The following EYS variants were observed in gnomAD, a reference collection of about 807,000 sequenced individuals.
EYS encodes the protein EGF-like photoreceptor maintenance factor, also known as protein eyes shut homolog.
A neutral mutation model predicts 282.1 loss-of-function variants in EYS; 250 were observed. The observed-to-expected ratio is 0.89, with a 90% CI of 0.80 to 0.98. The LOEUF (loss-of-function observed/expected upper bound fraction) is 0.98, where lower values mean the gene tolerates loss of function less well. Among genes scored for constraint, EYS ranks in the 50% least tolerant of loss-of-function variants. EYS has a pLI of 0.00. For missense variants in EYS, 4,016 were observed against 3,709.0 expected, an observed-to-expected ratio of 1.08 and a Z score of -2.15; for synonymous variants, 1,355 against 1,282.9, an observed-to-expected ratio of 1.06 and a Z score of -1.20.
intron 35 of EYS, among the ~76,000 whole-genome samples, chr6:63,942,282 T>TCCTGCTGG (rs1765265795): frequency 6.6e-6 from 1 of 152,088 alleles, no homozygotes; most frequent in East Asian, 1.9e-4. Context: ...AACAACAAAT[T>TCCTGCTGG]CCTGCTGGAA....
At chr6:63,833,319 C>T (rs1275806006) in intron 36 of EYS, among the ~76,000 whole-genome samples, 1 of 152,128 alleles carries the variant, frequency 6.6e-6, no homozygotes, top group Non-Finnish European at 1.5e-5. Context: ...TAGAAAACCC[C>T]ATCGTCTCAG....
intron 12 of EYS, among the ~76,000 whole-genome samples, chr6:65,168,658 G>A (rs981993919): frequency 1.3e-5 from 2 of 151,274 alleles, no homozygotes; most frequent in African/African-American, 2.4e-5. Context: ...ACACAGAAAT[G>A]TAGAGGGTAC....
At chr6:64,122,293 A>T (rs1773615596) in intron 31 of EYS, among the ~76,000 whole-genome samples, 1 of 152,182 alleles carries the variant, frequency 6.6e-6, no homozygotes, top group African/African-American at 2.4e-5. Flanking sequence ...CCACTTTCAT[A>T]GCATAGCATG....
intron 22 of EYS, among the ~76,000 whole-genome samples, chr6:64,794,937 A>C (rs1173779490): frequency 6.6e-6 from 1 of 152,138 alleles, no homozygotes; most frequent in Non-Finnish European, 1.5e-5. Flanking sequence ...CTACAGGGAT[A>C]GAAATAGACA....
Position 65,463,356 on chromosome 6 carries a change from C to T in EYS, c.862+27238G>A, listed in dbSNP as rs138472453. Among the ~76,000 whole-genome samples the T allele has an allele frequency of 7.4e-4, 112 of 152,210 alleles. 4 individuals are homozygous for T. The East Asian group carries it at 0.017, about 23-fold the overall frequency. On this transcript the variant is annotated intron_variant, in intron 5 of 42. Transcript: ENST00000503581. ...AATATTAGATGAAATATCACTTTCT[C>T]GATGAGATTTCTTCTAATCACCTTG...
At chr6:65,082,643 T>A (rs1363271007) in intron 12 of EYS, among the ~76,000 whole-genome samples, 1 of 152,040 alleles carries the variant, frequency 6.6e-6, no homozygotes, top group Non-Finnish European at 1.5e-5. Context: ...TGCTTCTACA[T>A]TGCATTTTTC....
At chr6:64,668,205 A>T (rs1769300831) in intron 22 of EYS, among the ~76,000 whole-genome samples, 2 of 152,242 alleles carry the variant, frequency 1.3e-5, no homozygotes, top group Non-Finnish European at 2.9e-5. Context: ...AATTATTTTA[A>T]TGCTTTCATG....
chr6:65,048,715 C>T (rs1224331189), intron 13 of EYS, among the ~76,000 whole-genome samples: 2 of 151,892 alleles, frequency 1.3e-5, no homozygotes, highest in East Asian at 1.9e-4. Context: ...TCTCCCTCTT[C>T]ATTAAATGTG....
intron 1 of EYS, among the ~76,000 whole-genome samples, chr6:65,686,138 A>C (rs1411562881): frequency 6.6e-6 from 1 of 152,032 alleles, no homozygotes; most frequent in Non-Finnish European, 1.5e-5. Flanking sequence ...AAACAAACAA[A>C]CAGACTGAAA....
chr6:63,805,996 T>G (rs1415326022), intron 37 of EYS, among the ~76,000 whole-genome samples, 194 bp downstream of exon 37: 2 of 152,176 alleles, frequency 1.3e-5, no homozygotes, highest in Non-Finnish European at 2.9e-5. Flanking sequence ...TGATGCAAAG[T>G]AGAGCTTCAG....
chr6:63,970,578 T>G (rs541822603), intron 35 of EYS, among the ~76,000 whole-genome samples: 8 of 149,582 alleles, frequency 5.3e-5, no homozygotes, highest in African/African-American at 2.0e-4. Flanking sequence ...GAGCTTGCTG[T>G]AAGTCGAGAT....
At chr6:65,024,813 AT>A (rs1281450367) in intron 13 of EYS, among the ~76,000 whole-genome samples, 1 of 152,162 alleles carries the variant, frequency 6.6e-6, no homozygotes, top group African/African-American at 2.4e-5. Flanking sequence ...CTTCAAAATG[AT>A]TTTTTTAAAT....
intron 22 of EYS, among the ~76,000 whole-genome samples, chr6:64,784,575 A>T (rs1485227538): frequency 6.6e-6 from 1 of 152,274 alleles, no homozygotes; most frequent in South Asian, 2.1e-4. Flanking sequence ...AGAGCCTGGC[A>T]CATCATAAAC....
chr6:65,278,031 C>CCTTTTCTTTT (rs70999189), intron 12 of EYS, among the ~76,000 whole-genome samples: 11,999 of 107,470 alleles, frequency 0.11, 1,840 homozygotes, highest in African/African-American at 0.16. Flanking sequence ...CTTTTCTTTT[C>CCTTTTCTTTT]CTTTTCTTTT....
intron 29 of EYS, among the ~76,000 whole-genome samples, chr6:64,339,491 T>A (rs1001488777): frequency 6.6e-6 from 1 of 151,582 alleles, no homozygotes; most frequent in Non-Finnish European, 1.5e-5. Context: ...GATGTTGGAG[T>A]GATGTGATGA....
intron 2 of EYS, among the ~76,000 whole-genome samples, chr6:65,607,742 T>G (rs1313446496): frequency 6.6e-6 from 1 of 151,866 alleles, no homozygotes; most frequent in Non-Finnish European, 1.5e-5. Context: ...TAAATTATAT[T>G]TAAAACCACA....
intron 2 of EYS, among the ~76,000 whole-genome samples, chr6:65,558,427 G>C (rs1211366842): frequency 6.6e-6 from 1 of 152,230 alleles, no homozygotes; most frequent in Non-Finnish European, 1.5e-5. Flanking sequence ...ACCAGGAGCA[G>C]GCACTTACGA....
chr6:65,311,046 G>A (rs757340712), intron 11 of EYS, among the ~76,000 whole-genome samples: 1 of 151,384 alleles, frequency 6.6e-6, no homozygotes, highest in South Asian at 2.1e-4. Context: ...TTTTTAATGG[G>A]GATGATGAAT....
chr6:64,361,811 C>T (rs1489142517), intron 29 of EYS, among the ~76,000 whole-genome samples: 1 of 151,698 alleles, frequency 6.6e-6, no homozygotes, highest in African/African-American at 2.4e-5. Flanking sequence ...TCCCTCCACT[C>T]TCTTGATTAA....
Sources: gnomAD v4.1 joint callset for allele counts (sites outside exome capture counted in the v4.1 genomes callset) on GRCh38, gnomAD v4.1.1 for gene constraint, MANE v1.5 for transcripts, NCBI Gene and HGNC (gene_info 2026-07-23, HGNC 2026-07-21) for gene names.